NDUFA9: variants seen among roughly 807,000 people sequenced by gnomAD.
The protein encoded by NDUFA9 is NADH:ubiquinone oxidoreductase subunit A9.
NDUFA9 carries 23 observed loss-of-function variants against 45.9 expected under a neutral mutation model. The ratio of observed to expected loss-of-function variants is 0.50; its 90% CI spans 0.36 to 0.71. The LOEUF (loss-of-function observed/expected upper bound fraction) is 0.71. Among genes scored for constraint, NDUFA9 ranks in the 30% least tolerant of loss-of-function variants. NDUFA9 has a pLI of 0.00. For synonymous variants in NDUFA9, 176 were observed against 170.5 expected, an observed-to-expected ratio of 1.03 and a Z score of -0.25; for missense variants, 466 against 488.2, an observed-to-expected ratio of 0.95 and a Z score of 0.43.
chr12:4,668,833 GATAA>G (rs1334557796), intron 7 of NDUFA9: 3 of 332,656 alleles, frequency 9.0e-6, no homozygotes. Context: ...GTCTGAGGCA[GATAA>G]ATAAAGCAGT....
In NDUFA9 at chr12:4,667,572, C is replaced by T. The variant is rs761146401; in HGVS notation, c.656-885C>T. The T allele has an allele frequency of 4.8e-5, 10 of 209,920 alleles. No homozygotes were observed. The East Asian group carries it at 9.0e-4, about 19-fold the overall frequency. 13.0% of individuals were successfully genotyped at this position (209,920 alleles called of 1,614,324 possible). ...TGACACCCAGGCTGGAGTGCGGTGG[C>T]GTGATCTCGGCTCACTGCAACCTCT... On this transcript the variant is annotated intron_variant, in intron 6 of 10. Transcript: ENST00000266544.
At position 4,669,808 on chromosome 12, in the gene NDUFA9, C is replaced by T. The variant is rs1945875658; in HGVS notation, c.791C>T (p.Ala264Val). 6.2e-7 allele frequency: 1 copy of T among 1,610,848 alleles called. No individual in the cohort carries two copies. The highest frequency in any genetic ancestry group is 8.5e-7 in the Non-Finnish European group (1 of 1,177,282). Reference sequence around the variant, plus strand: ...CCTGATGCCAATGGGAAATCCTTTGCTTTCGTTGGGTAAGTGCTTAGAGTT... The same window carrying T: ...CCTGATGCCAATGGGAAATCCTTTGTTTTCGTTGGGTAAGTGCTTAGAGTT... ...KDPDANGKSFAFVGPSRYLLF... is the reference protein window; with the variant it reads ...KDPDANGKSFVFVGPSRYLLF... The change falls in exon 8 of 11, where the codon GCT becomes GTT. Residue 264 changes from alanine (A) to valine (V), a missense_variant. Coordinates refer to ENST00000266544, the MANE Select transcript of NDUFA9 (RefSeq NM_005002.5).
Position 4,686,973 on chromosome 12 carries a change from T to C in NDUFA9, c.999T>C (p.Pro333=), listed in dbSNP as rs778546846. ...HITDMKLPHL[P]GLEDLGIQAT... The stretch of plus-strand genomic sequence containing the variant: ...CAGACATGAAATTGCCTCACCTGCC[T>C]GGCTTAGAAGACCTTGGTATTCAGG... Residue 333 remains proline, a synonymous_variant, in exon 11 of 11, where the codon CCT becomes CCC. Transcript: ENST00000266544. 2 of 1,614,180 alleles carry C rather than the reference T, an allele frequency of 1.2e-6. No homozygotes were observed. Among genetic ancestry groups the C allele is most frequent in the Middle Eastern group, 1.6e-4 (1 of 6,062 alleles).
chr12:4,657,006 T>A (rs1264151671), intron 3 of NDUFA9, among the ~76,000 whole-genome samples: 1 of 152,182 alleles, frequency 6.6e-6, no homozygotes, highest in African/African-American at 2.4e-5. Context: ...TCTCTCTCTT[T>A]CTCTTTCATC....
At chr12:4,677,387 T>C (rs1945926220) in intron 8 of NDUFA9, among the ~76,000 whole-genome samples, 2 of 152,186 alleles carry the variant, frequency 1.3e-5, no homozygotes, top group South Asian at 4.1e-4. Context: ...GGAGAAAATT[T>C]TTGCAATCTA....
At chr12:4,664,931 G>A (rs987239422) in intron 6 of NDUFA9, among the ~76,000 whole-genome samples, 7 of 152,152 alleles carry the variant, frequency 4.6e-5, no homozygotes, top group South Asian at 2.1e-4. Context: ...TTTTAGAATA[G>A]GAATGTCTAT....
rs1946021792 is a variant in NDUFA9, at chr12:4,692,156, T to C, written c.*5048T>C. 6.6e-6 allele frequency: 1 copy of C among 152,148 alleles called. No individual in the cohort carries two copies. Among genetic ancestry groups the C allele is most frequent in the Admixed American group, 6.5e-5 (1 of 15,276 alleles). 9.4% of individuals were successfully genotyped at this position (152,148 alleles called of 1,614,324 possible). ...CAGGTGCCTAATATTGGTGATGTGG[T>C]TTGGATGTCCCCACCCAAATCTCAT... is the stretch of plus-strand genomic sequence containing the variant. On this transcript the variant is annotated 3_prime_UTR_variant, in exon 11 of 11. Coordinates refer to ENST00000266544, the MANE Select transcript of NDUFA9 (RefSeq NM_005002.5).
chr12:4,693,795 G>A lies in NDUFA9; in HGVS notation c.*6687G>A, dbSNP rs1007339720. The A allele has an allele frequency of 6.6e-6, 1 of 152,214 alleles. No individual in the cohort carries two copies. The highest frequency in any genetic ancestry group is 1.5e-5 in the Non-Finnish European group (1 of 68,030). The allele number at this position is 152,214 out of a possible 1,614,324, so 9.4% of individuals were successfully genotyped here. A position where few individuals can be genotyped will look rare whatever the true frequency, so the allele number is the denominator to read the frequency against. ...GATTTATGGATGTAGCGGGGAACTG[G>A]GTGGAAGCAGTAGTAAGAAATTTGA... On this transcript the variant is annotated 3_prime_UTR_variant, in exon 11 of 11. Transcript: ENST00000266544.
intron 8 of NDUFA9, 75 bp downstream of exon 8, chr12:4,669,892 G>A: frequency 9.2e-7 from 1 of 1,083,572 alleles, no homozygotes; most frequent in Non-Finnish European, 1.4e-6. Flanking sequence ...GTTACTAACA[G>A]ATTTATTTGT....
intron 5 of NDUFA9, 78 bp from the exon 6 acceptor site, chr12:4,662,455 T>C: frequency 9.5e-7 from 1 of 1,056,434 alleles, no homozygotes; most frequent in Admixed American, 1.8e-5. Context: ...ATACAAGTCA[T>C]GTCTTAATAG....
intron 8 of NDUFA9, among the ~76,000 whole-genome samples, chr12:4,681,953 A>G (rs1489675849): frequency 6.6e-6 from 1 of 152,232 alleles, no homozygotes; most frequent in African/African-American, 2.4e-5. Context: ...TGAAAAAGAC[A>G]TTACGGAATA....
chr12:4,660,764 C>T (rs1222428219), intron 5 of NDUFA9, among the ~76,000 whole-genome samples: 3 of 152,124 alleles, frequency 2.0e-5, no homozygotes, highest in Non-Finnish European at 4.4e-5. Flanking sequence ...AGAAGTCAAG[C>T]AAATGTTAAC....
At chr12:4,651,361 G>A (rs1565563804) in intron 1 of NDUFA9, among the ~76,000 whole-genome samples, 1 of 152,106 alleles carries the variant, frequency 6.6e-6, no homozygotes, top group Non-Finnish European at 1.5e-5. Flanking sequence ...TATTTATTGA[G>A]CACCTAGTAT....
chr12:4,662,601 T>C lies in NDUFA9; in HGVS notation c.621T>C (p.Phe207=), dbSNP rs1416601245. 2.5e-6 allele frequency: 4 copies of C among 1,613,822 alleles called. No homozygotes were observed. In the African/African-American group the frequency reaches 5.3e-5, roughly 22 times the overall value. The change falls in exon 6 of 11, where the codon TTT becomes TTC. Residue 207 remains phenylalanine, a synonymous_variant. Transcript: ENST00000266544. ...EAIIVKPSDI[F]GREDRFLNSF... ...TTATCGTAAAGCCGTCGGACATCTT[T>C]GGAAGAGAGGATAGATTCCTTAATT... is the stretch of plus-strand genomic sequence containing the variant.
intron 6 of NDUFA9, among the ~76,000 whole-genome samples, chr12:4,664,738 A>T (rs1945843356): frequency 1.3e-5 from 2 of 152,192 alleles, no homozygotes. Context: ...TGAGACCACC[A>T]CCTCTGTGAA....
chr12:4,657,731 G>A lies in NDUFA9; in HGVS notation c.319-17G>A. ...TATACCCCTATGTTTTCATCCGATT[G>A]CTTTCTGCTATTATAGGAATGGGAC... is the stretch of plus-strand genomic sequence containing the variant. On this transcript the variant is annotated splice_polypyrimidine_tract_variant and intron_variant, in intron 3 of 10. Transcript: ENST00000266544. 1.3e-6 allele frequency: 2 copies of A among 1,588,450 alleles called. No homozygotes were observed. Among genetic ancestry groups the A allele is most frequent in the Non-Finnish European group, 8.6e-7 (1 of 1,157,938 alleles).
chr12:4,651,714 TC>T (rs1304575587), intron 1 of NDUFA9, among the ~76,000 whole-genome samples: 23 of 152,180 alleles, frequency 1.5e-4, no homozygotes, highest in Non-Finnish European at 1.5e-5. Context: ...GACTCTGCCA[TC>T]TTTTGCCTGT....
intron 8 of NDUFA9, among the ~76,000 whole-genome samples, chr12:4,673,254 G>A (rs1332050926): frequency 6.6e-6 from 1 of 152,166 alleles, no homozygotes; most frequent in East Asian, 1.9e-4. Context: ...AATCCATGAA[G>A]ATGGGGAGAA....
At chr12:4,659,251 T>A in intron 5 of NDUFA9, 74 bp downstream of exon 5, 1 of 1,339,656 alleles carries the variant, frequency 7.5e-7, no homozygotes, top group Non-Finnish European at 1.0e-6. Flanking sequence ...ATGATTTCAG[T>A]GAGAAGGGTT....
Sources: gnomAD v4.1 joint callset for allele counts (sites outside exome capture counted in the v4.1 genomes callset) on GRCh38, gnomAD v4.1.1 for gene constraint, MANE v1.5 for transcripts, NCBI Gene and HGNC (gene_info 2026-07-23, HGNC 2026-07-21) for gene names.